The following CEP290 variants were observed in gnomAD, a reference collection of about 807,000 sequenced individuals.
CEP290 encodes centrosomal protein 290.
A neutral mutation model predicts 344.9 loss-of-function variants in CEP290; 317 were observed. That is an observed-to-expected ratio of 0.92 (90% CI 0.84 to 1.01). The LOEUF (loss-of-function observed/expected upper bound fraction) is 1.01, where lower values mean the gene tolerates loss of function less well. Among genes scored for constraint, CEP290 ranks in the 50% least tolerant of loss-of-function variants. The pLI is 0.00. For missense variants in CEP290, 2,754 were observed against 2,761.4 expected, an observed-to-expected ratio of 1.00 and a Z score of 0.06; for synonymous variants, 932 against 895.8, an observed-to-expected ratio of 1.04 and a Z score of -0.72.
chr12:88,129,875 G>T lies in CEP290; in HGVS notation c.671C>A (p.Thr224Asn). Residue 224 changes from threonine (T) to asparagine (N), a missense_variant and splice_region_variant, in exon 10 of 54, where the codon ACT becomes AAT. Thr to Asn is a moderately conservative substitution (Grantham distance 65, BLOSUM62 0). Transcript: ENST00000552810. ...ELIQYLDEIQTLTEANEKIEV... is the reference protein window; with the variant it reads ...ELIQYLDEIQNLTEANEKIEV... ...AATTTTCTCATTAGCTTCTGTTAAAGTCTAAAAAAGTTAAAGACACTATAA... is the reference window on the plus strand; with the variant it reads ...AATTTTCTCATTAGCTTCTGTTAAATTCTAAAAAAGTTAAAGACACTATAA... 7.0e-7 allele frequency: 1 copy of T among 1,427,764 alleles called. No homozygotes were observed. Among genetic ancestry groups the T allele is most frequent in the Non-Finnish European group, 9.2e-7 (1 of 1,082,810 alleles). 88.4% of individuals were successfully genotyped at this position (1,427,764 alleles called of 1,614,324 possible). A position where few individuals can be genotyped will look rare whatever the true frequency, so the allele number is the denominator to read the frequency against.
In CEP290 at chr12:88,102,358, G is replaced by C. The variant is rs376525648; in HGVS notation, c.2991+480C>G. ...AGAGTGCATCCATGGTCCAGGAAGAGCCCTTAATATTTCAGCTACTGTTGG... is the reference window on the plus strand; with the variant it reads ...AGAGTGCATCCATGGTCCAGGAAGACCCCTTAATATTTCAGCTACTGTTGG... On this transcript the variant is annotated intron_variant, in intron 26 of 53. Coordinates refer to ENST00000552810, the MANE Select transcript of CEP290 (RefSeq NM_025114.4). Among the ~76,000 whole-genome samples, 3 of 152,230 alleles carry C rather than the reference G, an allele frequency of 2.0e-5. No homozygotes were observed. In the East Asian group the frequency reaches 5.8e-4, roughly 29 times the overall value.
Position 88,069,212 on chromosome 12 carries a change from T to C in CEP290, c.6012-567A>G, listed in dbSNP as rs929697504. On this transcript the variant is annotated intron_variant, in intron 43 of 53. Coordinates refer to ENST00000552810, the MANE Select transcript of CEP290 (RefSeq NM_025114.4). ...CCACTCTTACCCATACATGAAACAT[T>C]TACTCTTGCCTCTTATCTCTGCTAG... Among the ~76,000 whole-genome samples the C allele has an allele frequency of 2.0e-5, 3 of 152,146 alleles. No individual in the cohort carries two copies. The East Asian group carries it at 5.8e-4, about 29-fold the overall frequency.
chr12:88,121,672 T>C (rs2039410834), intron 13 of CEP290, among the ~76,000 whole-genome samples: 1 of 152,030 alleles, frequency 6.6e-6, no homozygotes, highest in South Asian at 2.1e-4. Flanking sequence ...TCTTTCCTCC[T>C]TCCTGCTAGC....
chr12:88,092,504 G>A (rs1033143886), intron 29 of CEP290, among the ~76,000 whole-genome samples, 177 bp downstream of exon 29: 4 of 151,904 alleles, frequency 2.6e-5, no homozygotes, highest in Admixed American at 2.0e-4. Flanking sequence ...TATTATTCTC[G>A]TCAATATTAT....
intron 12 of CEP290, 60 bp downstream of exon 12, chr12:88,126,256 C>G (rs1044301810): frequency 7.6e-7 from 1 of 1,320,016 alleles, no homozygotes; most frequent in Non-Finnish European, 9.9e-7. Context: ...TAAAAGACAT[C>G]GTTCAGAGTT....
At chr12:88,087,719 C>CAAA (rs375540609) in intron 32 of CEP290, 61 bp downstream of exon 32, 1,853 of 128,634 alleles carry the variant, frequency 0.014, no homozygotes, top group Middle Eastern at 0.018. Flanking sequence ...GACTCCATCT[C>CAAA]AAAAAAAAAA....
intron 22 of CEP290, among the ~76,000 whole-genome samples, chr12:88,110,521 G>A (rs2038610625): frequency 6.6e-6 from 1 of 151,962 alleles, no homozygotes; most frequent in Non-Finnish European, 1.5e-5. Context: ...GACCAGCCTG[G>A]CCAATATGAC....
intron 39 of CEP290, 27 bp from the exon 40 acceptor site, chr12:88,077,945 T>C (rs1351173045): frequency 7.4e-6 from 7 of 944,136 alleles, no homozygotes; most frequent in Non-Finnish European, 9.4e-6. Context: ...AAAGGTATTA[T>C]TCATGACTCT....
intron 36 of CEP290, 117 bp from the exon 37 acceptor site, chr12:88,083,347 G>A: frequency 1.8e-6 from 1 of 569,842 alleles, no homozygotes; most frequent in Non-Finnish European, 2.8e-6. Context: ...AAAATGTAAT[G>A]ATTTAATAGG....
rs761089675 is a variant in CEP290, at chr12:88,086,191, G to T, written c.4303-18C>A. ...TCTTCAAACTATTAAGAAATAGTAT[G>T]TTTTTTAAAAAAGCAGTTGCAGCAT... is the stretch of plus-strand genomic sequence containing the variant. On this transcript the variant is annotated intron_variant, in intron 33 of 53. Coordinates refer to ENST00000552810, the MANE Select transcript of CEP290 (RefSeq NM_025114.4). The T allele has an allele frequency of 6.3e-7, 1 of 1,598,914 alleles. No individual in the cohort carries two copies. The highest frequency in any genetic ancestry group is 2.2e-5 in the East Asian group (1 of 44,692).
intron 34 of CEP290, among the ~76,000 whole-genome samples, chr12:88,085,331 A>G (rs1324273417): frequency 6.6e-6 from 1 of 152,118 alleles, no homozygotes; most frequent in Non-Finnish European, 1.5e-5. Context: ...AAAAAAACAG[A>G]AAAATTTTTA....
At position 88,120,177 on chromosome 12, in the gene CEP290, T is replaced by G; in HGVS notation, c.1459A>C (p.Asn487His). Residue 487 changes from asparagine (N) to histidine (H), a missense_variant, in exon 15 of 54, where the codon AAT becomes CAT. By Grantham distance (68) the Asn-to-His change is moderately conservative. Coordinates refer to ENST00000552810, the MANE Select transcript of CEP290 (RefSeq NM_025114.4). ...REIEILTKEINKLELKISDFL... is the reference protein window; with the variant it reads ...REIEILTKEIHKLELKISDFL... ...TCACTGATCTTCAATTCAAGTTTAT[T>G]GATTTCCTTTGTTAATATTTCAATC... 6.5e-7 allele frequency: 1 copy of G among 1,530,054 alleles called. No individual in the cohort carries two copies. Among genetic ancestry groups the G allele is most frequent in the South Asian group, 1.3e-5 (1 of 77,534 alleles). 94.8% of individuals were successfully genotyped at this position (1,530,054 alleles called of 1,614,324 possible).
At position 88,077,770 on chromosome 12, in the gene CEP290, CTAAGTA is replaced by C; in HGVS notation, c.5507_5512del (p.Ile1836_Leu1837del). The C allele has an allele frequency of 6.3e-7, 1 of 1,581,924 alleles. No individual in the cohort carries two copies. Among genetic ancestry groups the C allele is most frequent in the Non-Finnish European group, 8.6e-7 (1 of 1,164,316 alleles). On this transcript the variant is annotated inframe_deletion, in exon 40 of 54. Coordinates refer to ENST00000552810, the MANE Select transcript of CEP290 (RefSeq NM_025114.4). ...CTCTTGATCAATTTCCTCTTTCTCT[CTAAGTA>C]TTTTATTATAGGCTTTTTGTTTCTT... is the stretch of plus-strand genomic sequence containing the variant.
intron 45 of CEP290, among the ~76,000 whole-genome samples, 151 bp from the exon 46 acceptor site, chr12:88,062,929 TA>T (rs1331520639): frequency 6.6e-6 from 1 of 152,138 alleles, no homozygotes; most frequent in Non-Finnish European, 1.5e-5. Context: ...GATTTTGAAC[TA>T]AGACGTTAAA....
intron 36 of CEP290, among the ~76,000 whole-genome samples, 184 bp downstream of exon 36, chr12:88,083,663 T>C (rs965232890): frequency 1.3e-5 from 2 of 152,158 alleles, no homozygotes; most frequent in Non-Finnish European, 2.9e-5. Context: ...TGGCTAAGAA[T>C]TATAAATATA....
intron 23 of CEP290, among the ~76,000 whole-genome samples, chr12:88,107,712 G>A (rs1263234413): frequency 1.3e-5 from 2 of 151,906 alleles, no homozygotes; most frequent in Non-Finnish European, 2.9e-5. Context: ...GACTAGCGTG[G>A]ACAATATGGC....
chr12:88,139,568 A>T lies in CEP290; in HGVS notation c.181-4T>A, dbSNP rs773899264. On this transcript the variant is annotated splice_region_variant and splice_polypyrimidine_tract_variant and intron_variant, in intron 3 of 53. Coordinates refer to ENST00000552810, the MANE Select transcript of CEP290 (RefSeq NM_025114.4). ...GCTCCACTTCTTGAGCTTTCATCTA[A>T]ACATTAAAAAAAGGTTATTTCAATA... 6.4e-7 allele frequency: 1 copy of T among 1,561,294 alleles called. No individual in the cohort carries two copies. Among genetic ancestry groups the T allele is most frequent in the Non-Finnish European group, 8.6e-7 (1 of 1,156,514 alleles).
rs1424932151 is a variant in CEP290, at chr12:88,060,944, T to C, written c.6408A>G (p.Leu2136=). The change falls in exon 47 of 54, where the codon TTA becomes TTG. Residue 2136 remains leucine, a synonymous_variant. Transcript: ENST00000552810. The stretch of plus-strand genomic sequence containing the variant: ...GGACTTTTTCAACTACTTTTTTCAT[T>C]AAACCAATGGTTTTTTCCAGTTCTG... ...TIPELEKTIG[L]MKKVVEKVQR... is the part of the protein sequence containing the mutation. The C allele has an allele frequency of 6.4e-7, 1 of 1,561,628 alleles. No homozygotes were observed. The highest frequency in any genetic ancestry group is 1.4e-5 in the African/African-American group (1 of 73,864).
intron 33 of CEP290, 99 bp from the exon 34 acceptor site, chr12:88,086,272 T>C: frequency 6.8e-7 from 1 of 1,469,422 alleles, no homozygotes; most frequent in Non-Finnish European, 9.2e-7. Context: ...TAAACCCCTC[T>C]TATATTTTAA....
Sources: gnomAD v4.1 joint callset for allele counts (sites outside exome capture counted in the v4.1 genomes callset) on GRCh38, gnomAD v4.1.1 for gene constraint, MANE v1.5 for transcripts, NCBI Gene and HGNC (gene_info 2026-07-23, HGNC 2026-07-21) for gene names.